IFTAP: variants seen among roughly 807,000 people sequenced by gnomAD.
The protein encoded by IFTAP is intraflagellar transport-associated protein.
A neutral mutation model predicts 19.4 loss-of-function variants in IFTAP; 19 were observed. The observed-to-expected ratio is 0.98, with a 90% CI of 0.68 to 1.44. The LOEUF (loss-of-function observed/expected upper bound fraction) is 1.44. IFTAP is among the 40% of genes most tolerant of loss of function. IFTAP has a pLI of 0.00. For missense variants in IFTAP, 240 were observed against 253.6 expected, an observed-to-expected ratio of 0.95 and a Z score of 0.36; for synonymous variants, 85 against 83.5, an observed-to-expected ratio of 1.02 and a Z score of -0.10.
intron 2 of IFTAP, among the ~76,000 whole-genome samples, chr11:36,614,693 G>GT (rs1230835785): frequency 2.0e-5 from 3 of 148,164 alleles, no homozygotes; most frequent in African/African-American, 5.1e-5. Flanking sequence ...TTTTTCATGT[G>GT]TTTTTTGGCT....
chr11:36,634,426 G>A (rs1241484320), intron 3 of IFTAP, among the ~76,000 whole-genome samples: 1 of 152,070 alleles, frequency 6.6e-6, no homozygotes, highest in Non-Finnish European at 1.5e-5. Flanking sequence ...GACAGAAGTA[G>A]AATCAGAGCT....
At chr11:36,625,470 CAT>C (rs370302362) in intron 2 of IFTAP, among the ~76,000 whole-genome samples, 2 of 152,252 alleles carry the variant, frequency 1.3e-5, no homozygotes, top group African/African-American at 2.4e-5. Flanking sequence ...ATGAACACCT[CAT>C]AGCAATAAAT....
intron 2 of IFTAP, among the ~76,000 whole-genome samples, chr11:36,610,601 T>C (rs1851846478): frequency 6.6e-6 from 1 of 152,188 alleles, no homozygotes; most frequent in African/African-American, 2.4e-5. Flanking sequence ...GTATAGACTA[T>C]GGGATTACAC....
chr11:36,654,177 C>T lies in IFTAP; in HGVS notation c.499-4842C>T, dbSNP rs115077067. ...TGCTTGGATGTTTTCAGAATGAAGG[C>T]GTCAATTGCTTTATGATTGCCAAAT... On this transcript the variant is annotated intron_variant, in intron 5 of 5. Transcript: ENST00000334307. 9.9e-4 allele frequency among the ~76,000 whole-genome samples: 151 copies of T among 152,210 alleles called. 1 individual carries two copies. Among genetic ancestry groups the T allele is most frequent in the African/African-American group, 3.3e-3 (137 of 41,548 alleles).
chr11:36,606,439 C>A (rs1268469172), intron 1 of IFTAP, among the ~76,000 whole-genome samples: 1 of 147,806 alleles, frequency 6.8e-6, no homozygotes, highest in African/African-American at 2.6e-5. Context: ...GATACTCTGT[C>A]TCTAAATAAA....
rs1376986099 is a variant in IFTAP, at chr11:36,656,217, A to G, written c.499-2802A>G. ...CTGGGTTGCTAGGATGAGGTAGGTA[A>G]TAAGTGAAGTGATGTGTGGGGAGGC... On this transcript the variant is annotated intron_variant, in intron 5 of 5. Transcript: ENST00000334307. Among the ~76,000 whole-genome samples, 3 of 152,124 alleles carry G rather than the reference A, an allele frequency of 2.0e-5. No homozygotes were observed. In the East Asian group the frequency reaches 5.8e-4, roughly 29 times the overall value.
intron 2 of IFTAP, among the ~76,000 whole-genome samples, chr11:36,614,575 C>T (rs941139862): frequency 4.0e-5 from 6 of 148,668 alleles, no homozygotes; most frequent in African/African-American, 1.0e-4. Context: ...TCCTCTCCAG[C>T]GCCTGTTGTT....
At chr11:36,652,831 T>C (rs369792211) in intron 5 of IFTAP, among the ~76,000 whole-genome samples, 1 of 152,298 alleles carries the variant, frequency 6.6e-6, no homozygotes, top group East Asian at 1.9e-4. Flanking sequence ...CCACTGGTTC[T>C]ACACACATAC....
In IFTAP at chr11:36,616,057, A is replaced by T. The variant is rs73437932; in HGVS notation, c.136+5818A>T. 5.4e-3 allele frequency among the ~76,000 whole-genome samples: 815 copies of T among 152,116 alleles called. 9 individuals are homozygous for T. The highest frequency in any genetic ancestry group is 0.018 in the African/African-American group (755 of 41,540). On this transcript the variant is annotated intron_variant, in intron 2 of 5. Transcript: ENST00000334307. Reference sequence around the variant, plus strand: ...ACAGAGATTGTATAATTAAGAAGCCAATGACTTAGAAATTGACATTAAATC... The same window carrying T: ...ACAGAGATTGTATAATTAAGAAGCCTATGACTTAGAAATTGACATTAAATC...
chr11:36,600,541 C>G (rs919128007), intron 1 of IFTAP, among the ~76,000 whole-genome samples: 51 of 152,172 alleles, frequency 3.4e-4, no homozygotes, highest in African/African-American at 1.2e-3. Context: ...AAACTGTCCC[C>G]CTCACTCTGG....
intron 5 of IFTAP, among the ~76,000 whole-genome samples, chr11:36,651,768 T>G (rs201232557): frequency 6.6e-6 from 1 of 152,232 alleles, no homozygotes; most frequent in East Asian, 1.9e-4. Flanking sequence ...GCTTTCTACA[T>G]ATGGCTAGCC....
At chr11:36,630,052 A>G (rs1852671738) in intron 2 of IFTAP, among the ~76,000 whole-genome samples, 2 of 151,282 alleles carry the variant, frequency 1.3e-5, no homozygotes. Flanking sequence ...GATGAAAAAC[A>G]GAAACAGAAG....
chr11:36,600,752 C>T (rs1246336198), intron 1 of IFTAP, among the ~76,000 whole-genome samples: 1 of 152,162 alleles, frequency 6.6e-6, no homozygotes, highest in African/African-American at 2.4e-5. Context: ...TTGCTCAGCC[C>T]ATTTTTAAGC....
rs114744010 is a variant in IFTAP at position 36,657,391 on chromosome 11, A to G, written c.499-1628A>G. Among the ~76,000 whole-genome samples the G allele has an allele frequency of 1.3e-3, 198 of 152,292 alleles. 1 individual carries two copies. The highest frequency in any genetic ancestry group is 4.7e-3 in the African/African-American group (194 of 41,568). The stretch of plus-strand genomic sequence containing the variant: ...AAATTTGATCTCAGACAGTGATCAA[A>G]ATGGACTGATCAGCCTTGCAGGCTG... On this transcript the variant is annotated intron_variant, in intron 5 of 5. Transcript: ENST00000334307.
chr11:36,640,971 C>A (rs1853171810), intron 4 of IFTAP, among the ~76,000 whole-genome samples: 1 of 152,116 alleles, frequency 6.6e-6, no homozygotes, highest in Admixed American at 6.5e-5. Flanking sequence ...TTTCAGAATG[C>A]TCATGGAAAA....
intron 1 of IFTAP, among the ~76,000 whole-genome samples, chr11:36,605,209 G>T (rs1411276866): frequency 6.6e-6 from 1 of 151,922 alleles, no homozygotes; most frequent in African/African-American, 2.4e-5. Context: ...CTGAGCAGAA[G>T]ATTACCATTT....
chr11:36,643,781 A>T (rs1279697451), intron 4 of IFTAP, among the ~76,000 whole-genome samples: 5 of 152,230 alleles, frequency 3.3e-5, no homozygotes, highest in Admixed American at 3.3e-4. Context: ...GTGCTGGGAA[A>T]ACTGGCTAGC....
intron 5 of IFTAP, among the ~76,000 whole-genome samples, chr11:36,649,903 A>G (rs1025544243): frequency 6.6e-6 from 1 of 152,172 alleles, no homozygotes; most frequent in Admixed American, 6.6e-5. Context: ...TCCTAATGGG[A>G]AAATCCAAAA....
At chr11:36,614,283 G>A (rs1277786818) in intron 2 of IFTAP, among the ~76,000 whole-genome samples, 3 of 146,758 alleles carry the variant, frequency 2.0e-5, no homozygotes, top group Admixed American at 6.8e-5. Flanking sequence ...ATTCCATGGT[G>A]TATATGTGCC....
Sources: gnomAD v4.1 joint callset for allele counts (sites outside exome capture counted in the v4.1 genomes callset) on GRCh38, gnomAD v4.1.1 for gene constraint, MANE v1.5 for transcripts, NCBI Gene and HGNC (gene_info 2026-07-23, HGNC 2026-07-21) for gene names.